Variants in ZNF99 observed in about 807,000 individuals in gnomAD.
ZNF99 encodes zinc finger protein 99.
A neutral mutation model predicts 12.8 loss-of-function variants in ZNF99; 8 were observed. The ratio of observed to expected loss-of-function variants is 0.62; its 90% CI spans 0.37 to 1.13. The LOEUF is 1.13. Ranked by LOEUF, ZNF99 falls within the 50% of genes most tolerant of loss-of-function variation. The pLI is 0.02. For missense variants in ZNF99, 1,007 were observed against 1,006.2 expected (o/e 1.00, Z -0.01); for synonymous variants, 318 against 319.0 (o/e 1.00, Z 0.03).
chr19:22,763,899 C>CT (rs1973176053), intron 3 of ZNF99, among the ~76,000 whole-genome samples: 1 of 109,650 alleles, frequency 9.1e-6, no homozygotes, highest in African/African-American at 3.9e-5. Context: ...TTTTTTTTTT[C>CT]TTTCCTTTTT....
chr19:22,756,536 T>G lies in ZNF99; in HGVS notation c.*778A>C. 6.3e-7 allele frequency: 1 copy of G among 1,597,778 alleles called. No homozygotes were observed. The highest frequency in any genetic ancestry group is 2.3e-5 in the East Asian group (1 of 44,342). ...AAAGCTTTGCCACGTTCTTCACATTTGTAGGGTTTCTCTCCAGTATGAATT... is the reference window on the plus strand; with the variant it reads ...AAAGCTTTGCCACGTTCTTCACATTGGTAGGGTTTCTCTCCAGTATGAATT... On this transcript the variant is annotated 3_prime_UTR_variant, in exon 4 of 4. Coordinates refer to ENST00000596209, the MANE Select transcript of ZNF99 (RefSeq NM_001080409.3).
intron 1 of ZNF99, chr19:22,774,062 C>CGTCT (rs1295298135): frequency 6.5e-6 from 1 of 153,952 alleles, no homozygotes; most frequent in Non-Finnish European, 1.5e-5. Flanking sequence ...CTTTTACAGA[C>CGTCT]ACCAGGGAAT....
chr19:22,768,623 G>A (rs34611323), intron 2 of ZNF99, among the ~76,000 whole-genome samples: 15,696 of 152,040 alleles, frequency 0.1, 1,848 homozygotes, highest in African/African-American at 0.29. Context: ...AGATTTCAAG[G>A]TGTGGCAACT....
At chr19:22,761,379 T>C (rs972572322) in intron 3 of ZNF99, among the ~76,000 whole-genome samples, 1 of 151,962 alleles carries the variant, frequency 6.6e-6, no homozygotes, top group African/African-American at 2.4e-5. Context: ...GCAACAGCAG[T>C]TTAAAAAAAC....
chr19:22,766,700 G>T (rs1308401868), intron 3 of ZNF99, among the ~76,000 whole-genome samples: 1 of 148,454 alleles, frequency 6.7e-6, no homozygotes, highest in Non-Finnish European at 1.5e-5. Context: ...TGTCCAGGCT[G>T]GAGTGCAATG....
In ZNF99 at chr19:22,782,049, A is replaced by AT. The variant is rs1437423477; in HGVS notation, c.3+1964dup. 1.9e-4 allele frequency among the ~76,000 whole-genome samples: 29 copies of AT among 152,342 alleles called. 1 individual carries two copies. Among genetic ancestry groups the AT allele is most frequent in the Non-Finnish European group, 2.1e-4 (14 of 68,036 alleles). On this transcript the variant is annotated intron_variant, in intron 1 of 3. Coordinates refer to ENST00000596209, the MANE Select transcript of ZNF99 (RefSeq NM_001080409.3). The stretch of plus-strand genomic sequence containing the variant: ...GGAAATATTCACAAACAGAAAACAA[A>AT]TATTATGAAAAGTACCATCCAATGC...
Position 22,755,006 on chromosome 19 carries a change from G to A in ZNF99, c.*2308C>T, listed in dbSNP as rs56320137. 14,188 of 169,302 alleles carry A rather than the reference G, an allele frequency of 0.084. 633 individuals are homozygous for A. Among genetic ancestry groups the A allele is most frequent in the Middle Eastern group, 0.12 (39 of 332 alleles). The allele number at this position is 169,302 out of a possible 1,614,324, so 10.5% of individuals were successfully genotyped here. On this transcript the variant is annotated 3_prime_UTR_variant, in exon 4 of 4. Transcript: ENST00000596209. The stretch of plus-strand genomic sequence containing the variant: ...ATCGCTTGAAAACCCAGGAGGCGGA[G>A]GTTGCAGTGAGCCGAGATTGTGCCA...
chr19:22,769,740 GAC>G (rs1476658213), intron 1 of ZNF99, among the ~76,000 whole-genome samples: 4 of 146,726 alleles, frequency 2.7e-5, no homozygotes, highest in Non-Finnish European at 6.0e-5. Flanking sequence ...CAGCCTGGGC[GAC>G]AGAGCTAGAC....
chr19:22,782,952 G>A (rs564089332), intron 1 of ZNF99, among the ~76,000 whole-genome samples: 90 of 152,034 alleles, frequency 5.9e-4, no homozygotes, highest in Non-Finnish European at 7.9e-4. Flanking sequence ...ACAGGTGTAA[G>A]CCACCGAGCC....
chr19:22,784,123 G>A lies in ZNF99; in HGVS notation c.-107C>T, dbSNP rs1242897143. On this transcript the variant is annotated 5_prime_UTR_variant, in exon 1 of 4. Coordinates refer to ENST00000596209, the MANE Select transcript of ZNF99 (RefSeq NM_001080409.3). ...CACAGAGCAGTAAAAACGAGATCCGGAGCTCCAGCTGGAACCAGAAACAAC... is the reference window on the plus strand; with the variant it reads ...CACAGAGCAGTAAAAACGAGATCCGAAGCTCCAGCTGGAACCAGAAACAAC... The A allele has an allele frequency of 4.5e-6, 6 of 1,321,768 alleles. No individual in the cohort carries two copies. Among genetic ancestry groups the A allele is most frequent in the South Asian group, 1.3e-5 (1 of 75,420 alleles). The allele number at this position is 1,321,768 out of a possible 1,614,324, so 81.9% of individuals were successfully genotyped here.
At chr19:22,783,503 C>T (rs1347288431) in intron 1 of ZNF99, among the ~76,000 whole-genome samples, 3 of 152,196 alleles carry the variant, frequency 2.0e-5, no homozygotes, top group Admixed American at 1.3e-4. Flanking sequence ...TTATAAAACT[C>T]TTTCCGTCAA....
rs762898278 is a variant in ZNF99 at position 22,765,794 on chromosome 19, C to T, written c.226+2511G>A. ...GAGACCAAGAGTTCAAGATCAGCCC[C>T]AAAACAGAGTGAGACTGTGCATATA... On this transcript the variant is annotated intron_variant, in intron 3 of 3. Transcript: ENST00000596209. Among the ~76,000 whole-genome samples, 31 of 151,622 alleles carry T rather than the reference C, an allele frequency of 2.0e-4. No individual in the cohort carries two copies. In the Middle Eastern group the frequency reaches 0.01, roughly 50 times the overall value.
Position 22,754,685 on chromosome 19 carries a change from C to T in ZNF99, c.*2629G>A, listed in dbSNP as rs1456809981. The stretch of plus-strand genomic sequence containing the variant: ...AGGGCTAGTTTCCATTATGAATTAT[C>T]TTATGTTCAGTAAGGTTTGAGGACG... On this transcript the variant is annotated 3_prime_UTR_variant, in exon 4 of 4. Coordinates refer to ENST00000596209, the MANE Select transcript of ZNF99 (RefSeq NM_001080409.3). 3 of 316,434 alleles carry T rather than the reference C, an allele frequency of 9.5e-6. No individual in the cohort carries two copies. The highest frequency in any genetic ancestry group is 8.5e-5 in the South Asian group (3 of 35,292). The allele number at this position is 316,434 out of a possible 1,614,324, so 19.6% of individuals were successfully genotyped here. A position where few individuals can be genotyped will look rare whatever the true frequency, so the allele number is the denominator to read the frequency against.
At chr19:22,768,497 C>A in intron 2 of ZNF99, 97 bp from the exon 3 acceptor site, 1 of 935,392 alleles carries the variant, frequency 1.1e-6, no homozygotes, top group Non-Finnish European at 1.5e-6. Context: ...GTAAATTGAT[C>A]CCTCAATACT....
In ZNF99 at chr19:22,759,020, A is replaced by G; in HGVS notation, c.889T>C (p.Ser297Pro). 6.2e-7 allele frequency: 1 copy of G among 1,613,722 alleles called. No individual in the cohort carries two copies. ...CEECGKAFKQSSHLTRHKAIH... is the reference protein window; with the variant it reads ...CEECGKAFKQPSHLTRHKAIH... ...GCTTTATGTCTAGTAAGGTGTGAGG[A>G]TTGCTTAAAAGCTTTGCCACATTCT... Residue 297 changes from serine (S) to proline (P), a missense_variant, in exon 4 of 4, where the codon TCC (serine) becomes CCC (proline). By Grantham distance (74) the Ser-to-Pro change is moderately conservative (BLOSUM62 -1). Transcript: ENST00000596209.
intron 1 of ZNF99, chr19:22,770,365 T>C: frequency 6.5e-6 from 1 of 153,332 alleles, no homozygotes; most frequent in Non-Finnish European, 1.5e-5. Context: ...AGACAGCTTT[T>C]TTTTTTTTTA....
chr19:22,776,414 T>C (rs1318284040), intron 1 of ZNF99, among the ~76,000 whole-genome samples: 46 of 1,712 alleles, frequency 0.027, no homozygotes, highest in Non-Finnish European at 0.042. Flanking sequence ...ATAAGATATA[T>C]ATATATATAT....
chr19:22,778,322 G>A (rs1260489035), intron 1 of ZNF99, among the ~76,000 whole-genome samples: 1 of 151,998 alleles, frequency 6.6e-6, no homozygotes, highest in African/African-American at 2.4e-5. Context: ...ATCCATTCCA[G>A]ACCAGGCCTC....
intron 1 of ZNF99, among the ~76,000 whole-genome samples, chr19:22,772,413 G>A (rs1401217372): frequency 2.0e-5 from 3 of 152,168 alleles, no homozygotes; most frequent in African/African-American, 4.8e-5. Context: ...GGTCGGGTAC[G>A]GTGGCTTGCG....
Sources: gnomAD v4.1 joint callset for allele counts (sites outside exome capture counted in the v4.1 genomes callset) on GRCh38, gnomAD v4.1.1 for gene constraint, MANE v1.5 for transcripts, NCBI Gene and HGNC (gene_info 2026-07-23, HGNC 2026-07-21) for gene names.